CLCN3: variants seen among roughly 807,000 people sequenced by gnomAD.
CLCN3 encodes Cl-/H+ antiporter 3.
CLCN3 carries 16 observed loss-of-function variants against 83.4 expected under a neutral mutation model. The ratio of observed to expected loss-of-function variants is 0.19; its 90% CI spans 0.13 to 0.29. CLCN3 has a LOEUF of 0.29. CLCN3 is among the 10% of genes least tolerant of loss of function. CLCN3 has a pLI of 1.00. For synonymous variants in CLCN3, 322 were observed against 346.2 expected (o/e 0.93, Z 0.78); for missense variants, 544 against 1,006.0 (o/e 0.54, Z 6.21).
At chr4:169,633,289 G>A (rs548781702) in intron 1 of CLCN3, among the ~76,000 whole-genome samples, 3 of 152,260 alleles carry the variant, frequency 2.0e-5, no homozygotes, top group Non-Finnish European at 2.9e-5. Flanking sequence ...GGAACTACAG[G>A]CATGCGCCAC....
chr4:169,683,351 T>C (rs1051484697), intron 3 of CLCN3, among the ~76,000 whole-genome samples: 3 of 152,070 alleles, frequency 2.0e-5, no homozygotes, highest in East Asian at 1.9e-4. Context: ...AAAAATTAGC[T>C]GGGTATAGTG....
chr4:169,657,695 G>A (rs1730927055), intron 2 of CLCN3, among the ~76,000 whole-genome samples: 1 of 152,094 alleles, frequency 6.6e-6, no homozygotes, highest in East Asian at 1.9e-4. Context: ...TGGAGGGTGC[G>A]TTCGAAAGTA....
chr4:169,672,464 AGAG>A (rs535009317), intron 2 of CLCN3, among the ~76,000 whole-genome samples: 201 of 151,846 alleles, frequency 1.3e-3, no homozygotes, highest in African/African-American at 4.5e-3. Context: ...ATAGGAAAAA[AGAG>A]GAGATGTACT....
chr4:169,628,290 A>G (rs1052326290), intron 1 of CLCN3, among the ~76,000 whole-genome samples: 1 of 152,208 alleles, frequency 6.6e-6, no homozygotes, highest in African/African-American at 2.4e-5. Flanking sequence ...ATACTCCTTA[A>G]AGGCAAAATT....
At chr4:169,709,402 G>A (rs1733120757) in intron 11 of CLCN3, among the ~76,000 whole-genome samples, 1 of 151,666 alleles carries the variant, frequency 6.6e-6, no homozygotes, top group South Asian at 2.1e-4. Context: ...AAAAGTCTGA[G>A]GCTGGGCGTG....
intron 2 of CLCN3, among the ~76,000 whole-genome samples, chr4:169,679,019 GGGC>G (rs1731800447): frequency 1.3e-5 from 2 of 149,546 alleles, no homozygotes; most frequent in African/African-American, 4.9e-5. Context: ...CTCCCAGACG[GGGC>G]GGCTGCCGGG....
chr4:169,707,041 T>C lies in CLCN3; in HGVS notation c.1924T>C (p.Leu642=), dbSNP rs761634454. The change falls in exon 11 of 13, where the codon TTG becomes CTG. Residue 642 remains leucine (L), a synonymous_variant. Coordinates refer to ENST00000513761, the MANE Select transcript of CLCN3 (RefSeq NM_001829.4). Reference sequence around the variant, plus strand: ...CATCCGATTAAATGGATACCCTTTCTTGGATGCAAAAGAAGAATTCACTCA... The same window carrying C: ...CATCCGATTAAATGGATACCCTTTCCTGGATGCAAAAGAAGAATTCACTCA... ...AHIRLNGYPF[L]DAKEEFTHTT... 6.2e-7 allele frequency: 1 copy of C among 1,614,196 alleles called. No homozygotes were observed. The highest frequency in any genetic ancestry group is 1.7e-5 in the Admixed American group (1 of 60,024).
At chr4:169,682,027 C>T (rs1731960647) in intron 3 of CLCN3, among the ~76,000 whole-genome samples, 1 of 152,166 alleles carries the variant, frequency 6.6e-6, no homozygotes, top group Admixed American at 6.5e-5. Flanking sequence ...TGATACTACA[C>T]TAAAGTGACA....
chr4:169,678,134 G>A (rs1180978916), intron 2 of CLCN3, among the ~76,000 whole-genome samples: 1 of 152,118 alleles, frequency 6.6e-6, no homozygotes, highest in Non-Finnish European at 1.5e-5. Flanking sequence ...TGTTTCTACT[G>A]GACAGAATTC....
chr4:169,671,324 A>G lies in CLCN3; in HGVS notation c.161-8726A>G, dbSNP rs1404983363. ...GACATGGATGAAGCTGGAAGCCATC[A>G]TTCTCAGCAAACTAACACAGAAATA... On this transcript the variant is annotated intron_variant, in intron 2 of 12. Transcript: ENST00000513761. Among the ~76,000 whole-genome samples the G allele has an allele frequency of 5.3e-5, 8 of 152,240 alleles. No individual in the cohort carries two copies. The East Asian group carries it at 1.5e-3, about 29-fold the overall frequency.
At chr4:169,633,544 A>G (rs1202357773) in intron 1 of CLCN3, among the ~76,000 whole-genome samples, 1 of 152,202 alleles carries the variant, frequency 6.6e-6, no homozygotes, top group Non-Finnish European at 1.5e-5. Context: ...ACTAGTGTTC[A>G]GATTTCCTTC....
Position 169,722,696 on chromosome 4 carries a change from A to G in CLCN3, c.*2699A>G, listed in dbSNP as rs898524837. 1 of 152,198 alleles carries G rather than the reference A, an allele frequency of 6.6e-6. No individual in the cohort carries two copies. Among genetic ancestry groups the G allele is most frequent in the Admixed American group, 6.5e-5 (1 of 15,274 alleles). 9.4% of individuals were successfully genotyped at this position (152,198 alleles called of 1,614,324 possible). ...ACATTTCAGGGTGGATATTAATTAA[A>G]GCATTAATTTTGTTTTTTGGTATAT... On this transcript the variant is annotated 3_prime_UTR_variant, in exon 13 of 13. Coordinates refer to ENST00000513761, the MANE Select transcript of CLCN3 (RefSeq NM_001829.4).
chr4:169,679,563 G>T (rs1252415532), intron 2 of CLCN3, among the ~76,000 whole-genome samples: 1 of 152,116 alleles, frequency 6.6e-6, no homozygotes, highest in African/African-American at 2.4e-5. Flanking sequence ...AGGTTGTAGC[G>T]AGCCGAGATC....
intron 1 of CLCN3, among the ~76,000 whole-genome samples, chr4:169,625,128 A>G (rs1476730818): frequency 2.6e-5 from 4 of 152,196 alleles, no homozygotes; most frequent in African/African-American, 9.7e-5. Flanking sequence ...TACTTAGCAC[A>G]GTTTTTACAA....
chr4:169,637,774 A>G (rs565303890), intron 2 of CLCN3, among the ~76,000 whole-genome samples: 93 of 152,246 alleles, frequency 6.1e-4, no homozygotes, highest in Middle Eastern at 3.4e-3. Flanking sequence ...TTTAAATATG[A>G]TGTGGGTTAA....
intron 7 of CLCN3, among the ~76,000 whole-genome samples, chr4:169,694,290 G>C (rs1732484053): frequency 6.6e-6 from 1 of 152,126 alleles, no homozygotes; most frequent in Non-Finnish European, 1.5e-5. Context: ...TAAGAGCTAA[G>C]TAATATTATC....
At chr4:169,679,774 C>G (rs1216805994) in intron 2 of CLCN3, among the ~76,000 whole-genome samples, 1 of 152,176 alleles carries the variant, frequency 6.6e-6, no homozygotes, top group Non-Finnish European at 1.5e-5. Flanking sequence ...CCTGCAATCC[C>G]AGGCACTCGG....
chr4:169,688,129 C>T (rs1460884588), intron 4 of CLCN3, among the ~76,000 whole-genome samples: 1 of 152,134 alleles, frequency 6.6e-6, no homozygotes, highest in East Asian at 1.9e-4. Context: ...GTATTTAAAC[C>T]TCACCGGAAT....
At chr4:169,690,885 T>G (rs1416481838) in intron 6 of CLCN3, among the ~76,000 whole-genome samples, 1 of 152,212 alleles carries the variant, frequency 6.6e-6, no homozygotes, top group Non-Finnish European at 1.5e-5. Flanking sequence ...ACCACTAATT[T>G]AACACATGAC....
Sources: allele counts gnomAD v4.1 joint callset (sites outside exome capture counted in the v4.1 genomes callset), GRCh38; gene constraint gnomAD v4.1.1; transcripts MANE v1.5; gene names NCBI Gene and HGNC (gene_info 2026-07-23, HGNC 2026-07-21).